MAP3K9: variants seen among roughly 807,000 people sequenced by gnomAD.
The protein encoded by MAP3K9 is mitogen-activated protein kinase kinase kinase 9.
MAP3K9 carries 46 observed loss-of-function variants against 95.8 expected under a neutral mutation model. The ratio of observed to expected loss-of-function variants is 0.48; its 90% CI spans 0.38 to 0.61. MAP3K9 has a LOEUF of 0.61. Among genes scored for constraint, MAP3K9 ranks in the 20% least tolerant of loss-of-function variants. The pLI is 0.00. For missense variants in MAP3K9, 1,296 were observed against 1,474.3 expected, an observed-to-expected ratio of 0.88 and a Z score of 1.98; for synonymous variants, 533 against 593.8, an observed-to-expected ratio of 0.90 and a Z score of 1.49.
intron 2 of MAP3K9, among the ~76,000 whole-genome samples, chr14:70,772,365 T>G (rs575643452): frequency 1.3e-5 from 2 of 152,140 alleles, no homozygotes; most frequent in African/African-American, 4.8e-5. Context: ...AATGAATGGG[T>G]ACAAAACACC....
Position 70,755,486 on chromosome 14 carries a change from G to GGGC in MAP3K9, c.1002-5406_1002-5405insGCC, listed in dbSNP as rs2054287033. Among the ~76,000 whole-genome samples, 3 of 152,340 alleles carry GGGC rather than the reference G, an allele frequency of 2.0e-5. No individual in the cohort carries two copies. In the South Asian group the frequency reaches 6.2e-4, roughly 32 times the overall value. The stretch of plus-strand genomic sequence containing the variant: ...TTGTCTGAGCCCAGTTACCTCATCT[G>GGGC]TAAAATGGAAATGATGATCCCTACT... On this transcript the variant is annotated intron_variant, in intron 3 of 11. Coordinates refer to ENST00000554752, the MANE Select transcript of MAP3K9 (RefSeq NM_001284230.2).
At chr14:70,732,470 G>T (rs2053918180) in intron 11 of MAP3K9, 69 bp downstream of exon 11, 1 of 1,489,040 alleles carries the variant, frequency 6.7e-7, no homozygotes, top group Non-Finnish European at 8.9e-7. Context: ...GAGAAAATGA[G>T]GCCTGCAAAC....
Position 70,724,363 on chromosome 14 carries a change from G to A in MAP3K9, c.*6017C>T, listed in dbSNP as rs1194141949. 1 of 152,018 alleles carries A rather than the reference G, an allele frequency of 6.6e-6. No homozygotes were observed. Among genetic ancestry groups the A allele is most frequent in the Non-Finnish European group, 1.5e-5 (1 of 67,990 alleles). 9.4% of individuals were successfully genotyped at this position (152,018 alleles called of 1,614,324 possible). A position where few individuals can be genotyped will look rare whatever the true frequency, so the allele number is the denominator to read the frequency against. On this transcript the variant is annotated 3_prime_UTR_variant, in exon 12 of 12. Transcript: ENST00000554752. ...AGCCTACACACTCCTATTTAAATGC[G>A]AGCACCGCCAGAGAGCCACTGCCTC...
At chr14:70,759,817 C>T (rs899095115) in intron 3 of MAP3K9, among the ~76,000 whole-genome samples, 3 of 152,196 alleles carry the variant, frequency 2.0e-5, no homozygotes, top group African/African-American at 4.8e-5. Context: ...TGCAGTGGTG[C>T]AATCACAGCT....
intron 10 of MAP3K9, 108 bp from the exon 11 acceptor site, chr14:70,733,450 G>A: frequency 1.6e-6 from 1 of 614,528 alleles, no homozygotes; most frequent in Middle Eastern, 2.7e-4. Context: ...CAGTCTCAGG[G>A]ACACAAAGGT....
At chr14:70,774,594 C>T (rs2054571843) in intron 2 of MAP3K9, among the ~76,000 whole-genome samples, 2 of 151,894 alleles carry the variant, frequency 1.3e-5, no homozygotes, top group Admixed American at 6.6e-5. Context: ...ACCTGAGAGG[C>T]AGAGGTTGCC....
rs866339259 is a variant in MAP3K9, at chr14:70,730,973, A to G, written c.2831-109T>C. 62 of 1,217,818 alleles carry G rather than the reference A, an allele frequency of 5.1e-5. No homozygotes were observed. The Middle Eastern group carries it at 2.6e-3, about 50-fold the overall frequency. 75.4% of individuals were successfully genotyped at this position (1,217,818 alleles called of 1,614,324 possible). ...CATATCCCTACGCAATCAGGAGAAC[A>G]TGAATCACCAAATGTTTGTGGAGCA... On this transcript the variant is annotated intron_variant, in intron 11 of 11. Coordinates refer to ENST00000554752, the MANE Select transcript of MAP3K9 (RefSeq NM_001284230.2).
At chr14:70,798,883 C>A (rs978767171) in intron 2 of MAP3K9, among the ~76,000 whole-genome samples, 2 of 152,056 alleles carry the variant, frequency 1.3e-5, no homozygotes, top group African/African-American at 4.8e-5. Flanking sequence ...AAAAGAGAAA[C>A]CAGATTTTTT....
chr14:70,750,547 T>G (rs2054211655), intron 3 of MAP3K9, among the ~76,000 whole-genome samples: 1 of 152,182 alleles, frequency 6.6e-6, no homozygotes, highest in Admixed American at 6.5e-5. Flanking sequence ...TGCAGTGGCG[T>G]GATCTCGGCT....
Position 70,730,579 on chromosome 14 carries a change from C to T in MAP3K9, c.3116G>A (p.Ser1039Asn). ...PSNLDSCFAS[S>N]SSTVEERPGL... ...AGGCCGCTCCTCTACAGTGCTGCTA[C>T]TGCTAGCAAAGCAGGAGTCCAGGTT... Residue 1039 changes from serine to asparagine, a missense_variant, in exon 12 of 12, where the codon AGT becomes AAT. Physicochemically the swap from Ser to Asn is conservative, Grantham distance 46. This residue lies in a region of MAP3K9 where 433 missense variants were observed against 441.4 expected (regional missense o/e 0.98). Coordinates refer to ENST00000554752, the MANE Select transcript of MAP3K9 (RefSeq NM_001284230.2). 1 of 1,614,066 alleles carries T rather than the reference C, an allele frequency of 6.2e-7. No individual in the cohort carries two copies. Among genetic ancestry groups the T allele is most frequent in the Non-Finnish European group, 8.5e-7 (1 of 1,180,042 alleles).
chr14:70,751,044 GTTC>G (rs924018289), intron 3 of MAP3K9, among the ~76,000 whole-genome samples: 43 of 78,212 alleles, frequency 5.5e-4, no homozygotes, highest in African/African-American at 2.2e-3. Flanking sequence ...GCGTGAGTGG[GTTC>G]TTAACGGAGA....
Position 70,730,594 on chromosome 14 carries a change from G to C in MAP3K9, c.3101C>G (p.Ser1034Cys). The change falls in exon 12 of 12, where the codon TCC (serine) becomes TGC (cysteine). Residue 1034 changes from serine to cysteine, a missense_variant. Around this residue, in one of 5 missense-constraint regions of MAP3K9, gnomAD observed 433 missense variants for 441.4 expected, o/e 0.98. Coordinates refer to ENST00000554752, the MANE Select transcript of MAP3K9 (RefSeq NM_001284230.2). ...AGTGCTGCTACTGCTAGCAAAGCAG[G>C]AGTCCAGGTTGCTGGGCGTCTCTGT... ...SSTETPSNLDSCFASSSSTVE... is the reference protein window; with the variant it reads ...SSTETPSNLDCCFASSSSTVE... The C allele has an allele frequency of 6.2e-7, 1 of 1,614,082 alleles. No individual in the cohort carries two copies. The highest frequency in any genetic ancestry group is 8.5e-7 in the Non-Finnish European group (1 of 1,180,042).
intron 7 of MAP3K9, among the ~76,000 whole-genome samples, chr14:70,739,502 T>TCACACACACACACACA (rs141869536): frequency 6.7e-6 from 1 of 148,394 alleles, no homozygotes; most frequent in East Asian, 2.0e-4. Flanking sequence ...AGGTGTATGT[T>TCACACACACACACACA]CACACACACA....
intron 2 of MAP3K9, among the ~76,000 whole-genome samples, chr14:70,766,006 G>A (rs1381128341): frequency 6.6e-6 from 1 of 152,038 alleles, no homozygotes; most frequent in Non-Finnish European, 1.5e-5. Context: ...GAAAGGAAAA[G>A]ATACATTGGA....
At chr14:70,760,633 G>C (rs1034505126) in intron 3 of MAP3K9, among the ~76,000 whole-genome samples, 1 of 152,178 alleles carries the variant, frequency 6.6e-6, no homozygotes, top group African/African-American at 2.4e-5. Flanking sequence ...AGCCACGAAA[G>C]CCTAGCATTG....
At chr14:70,770,951 T>C (rs1277055486) in intron 2 of MAP3K9, among the ~76,000 whole-genome samples, 1 of 152,276 alleles carries the variant, frequency 6.6e-6, no homozygotes, top group Non-Finnish European at 1.5e-5. Flanking sequence ...CTGTGCTTGC[T>C]GTCTCCAGTC....
chr14:70,751,436 G>T (rs2054226232), intron 3 of MAP3K9, among the ~76,000 whole-genome samples: 1 of 152,228 alleles, frequency 6.6e-6, no homozygotes, highest in Non-Finnish European at 1.5e-5. Context: ...GCCAGGCATG[G>T]TGGCTCACAT....
intron 11 of MAP3K9, 53 bp from the exon 12 acceptor site, chr14:70,730,917 TTAG>T: frequency 6.5e-7 from 1 of 1,536,260 alleles, no homozygotes; most frequent in Non-Finnish European, 8.7e-7. Flanking sequence ...TATTTCGGGG[TTAG>T]ATATCCGCTA....
chr14:70,768,444 A>G (rs2054487315), intron 2 of MAP3K9, among the ~76,000 whole-genome samples: 1 of 152,218 alleles, frequency 6.6e-6, no homozygotes, highest in Non-Finnish European at 1.5e-5. Flanking sequence ...GCATATGGTC[A>G]AAATGCTGAG....
Sources: gnomAD v4.1 joint callset for allele counts (sites outside exome capture counted in the v4.1 genomes callset) on GRCh38, gnomAD v4.1.1 for gene constraint, gnomAD v4.1.1 regional missense constraint, MANE v1.5 for transcripts, NCBI Gene and HGNC (gene_info 2026-07-23, HGNC 2026-07-21) for gene names.